Variants in AK8 observed in about 807,000 individuals in gnomAD.
AK8 encodes ATP-AMP transphosphorylase 8.
In AK8, 44 loss-of-function variants were observed where a neutral mutation model predicts 54.6. The ratio of observed to expected loss-of-function variants is 0.81; its 90% CI spans 0.63 to 1.04. AK8 has a LOEUF of 1.04. Ranked by LOEUF, AK8 falls within the 50% of genes least tolerant of loss-of-function variation. AK8 has a pLI of 0.00. For synonymous variants in AK8, 239 were observed against 245.6 expected (o/e 0.97, Z 0.25); for missense variants, 555 against 613.6 (o/e 0.90, Z 1.01).
intron 11 of AK8, among the ~76,000 whole-genome samples, chr9:132,741,848 T>C (rs956303003): frequency 1.3e-5 from 2 of 152,178 alleles, no homozygotes; most frequent in African/African-American, 4.8e-5. Flanking sequence ...TGATGGACTT[T>C]CTGTCTCTAC....
intron 5 of AK8, among the ~76,000 whole-genome samples, chr9:132,830,154 A>T (rs972844651): frequency 6.6e-6 from 1 of 152,204 alleles, no homozygotes; most frequent in Non-Finnish European, 1.5e-5. Flanking sequence ...CTTGCATAGA[A>T]GTTTTCACAG....
rs2131162821 is a variant in AK8 at position 132,791,027 on chromosome 9, A to G, written c.1121+1607T>C. Among the ~76,000 whole-genome samples the G allele has an allele frequency of 6.6e-6, 1 of 152,330 alleles. No individual in the cohort carries two copies. Among genetic ancestry groups the G allele is most frequent in the East Asian group, 1.9e-4 (1 of 5,190 alleles). On this transcript the variant is annotated intron_variant, in intron 11 of 12. Transcript: ENST00000298545. The surrounding 1 kb of genome is among the most constrained non-coding windows in gnomAD (Gnocchi z 4.0). ...TATTTTCACTAGAAGCAAAGACAGA[A>G]TATATCCATGTCAAACTGTAACGGA...
rs12377380 is a variant in AK8, at chr9:132,823,195, G to A, written c.889+10C>T. Reference sequence around the variant, plus strand: ...TCGAAGCTGGGCAGCCCAGCACCTGGGGCACTCACCATTGACAAGCCTGTA... The same window carrying A: ...TCGAAGCTGGGCAGCCCAGCACCTGAGGCACTCACCATTGACAAGCCTGTA... On this transcript the variant is annotated intron_variant, in intron 9 of 12. Coordinates refer to ENST00000298545, the MANE Select transcript of AK8 (RefSeq NM_152572.3). 1 of 1,557,138 alleles carries A rather than the reference G, an allele frequency of 6.4e-7. No homozygotes were observed. Among genetic ancestry groups the A allele is most frequent in the African/African-American group, 1.4e-5 (1 of 72,616 alleles).
chr9:132,838,942 TA>T (rs978806310), intron 5 of AK8, among the ~76,000 whole-genome samples: 2 of 152,034 alleles, frequency 1.3e-5, no homozygotes, highest in Non-Finnish European at 2.9e-5. Context: ...TGTACCTTAT[TA>T]TTTTTTTATT....
chr9:132,739,048 C>T (rs1837246314), intron 11 of AK8, among the ~76,000 whole-genome samples: 1 of 151,694 alleles, frequency 6.6e-6, no homozygotes, highest in Non-Finnish European at 1.5e-5. Context: ...AGCCACCATG[C>T]CTGGCCTGAC....
At chr9:132,827,133 G>A (rs1229218378) in intron 7 of AK8, 79 bp from the exon 8 acceptor site, 1 of 1,482,646 alleles carries the variant, frequency 6.7e-7, no homozygotes, top group Admixed American at 1.7e-5. Flanking sequence ...TGGGGTGCTT[G>A]CTGTCCTGGA....
intron 11 of AK8, among the ~76,000 whole-genome samples, chr9:132,729,369 G>A (rs1371507724): frequency 2.0e-5 from 3 of 152,168 alleles, no homozygotes; most frequent in Non-Finnish European, 4.4e-5. Flanking sequence ...CAAGTGCATG[G>A]CTGAGGAGCC....
chr9:132,871,768 G>A (rs149080038), intron 2 of AK8, among the ~76,000 whole-genome samples: 3,433 of 152,332 alleles, frequency 0.023, 65 homozygotes, highest in Admixed American at 0.058. Context: ...GGAAAGGGGC[G>A]CTAAGGAGGG....
At chr9:132,792,263 C>T (rs1051709869) in intron 11 of AK8, among the ~76,000 whole-genome samples, 14 of 152,176 alleles carry the variant, frequency 9.2e-5, no homozygotes, top group African/African-American at 2.9e-4. Flanking sequence ...AAAAGGGGGA[C>T]TCATACTGCC....
chr9:132,875,565 CT>C (rs1331417583), intron 1 of AK8, among the ~76,000 whole-genome samples: 1 of 152,252 alleles, frequency 6.6e-6, no homozygotes, highest in Non-Finnish European at 1.5e-5. Flanking sequence ...GTTCCCTCAG[CT>C]TGGAAGCTTC....
At chr9:132,756,463 T>C (rs1467871062) in intron 11 of AK8, among the ~76,000 whole-genome samples, 1 of 152,234 alleles carries the variant, frequency 6.6e-6, no homozygotes, top group East Asian at 1.9e-4. Context: ...TAAGTGATCA[T>C]TTGCATACCT....
At chr9:132,822,475 G>A (rs972376018) in intron 9 of AK8, among the ~76,000 whole-genome samples, 3 of 150,384 alleles carry the variant, frequency 2.0e-5, no homozygotes, top group Non-Finnish European at 4.4e-5. Context: ...ATATTTGGGG[G>A]TGCAGGTCTC....
chr9:132,734,651 G>A (rs539272174), intron 11 of AK8, among the ~76,000 whole-genome samples: 53 of 152,172 alleles, frequency 3.5e-4, no homozygotes, highest in African/African-American at 9.4e-4. Flanking sequence ...TGGGAGTGTC[G>A]CTTGAGCCCA....
intron 3 of AK8, among the ~76,000 whole-genome samples, chr9:132,865,838 A>G (rs1843571222): frequency 6.6e-6 from 1 of 151,276 alleles, no homozygotes; most frequent in Non-Finnish European, 1.5e-5. Context: ...AATAAAAAAT[A>G]AAAAATAAAG....
intron 11 of AK8, among the ~76,000 whole-genome samples, chr9:132,738,402 G>A (rs953000161): frequency 1.3e-5 from 2 of 152,094 alleles, no homozygotes; most frequent in Admixed American, 1.3e-4. Flanking sequence ...TATTCCCAAT[G>A]ACTGTTCAAC....
chr9:132,845,720 G>T (rs1842723592), intron 5 of AK8, among the ~76,000 whole-genome samples: 1 of 150,246 alleles, frequency 6.7e-6, no homozygotes, highest in African/African-American at 2.4e-5. Flanking sequence ...GGCGGAGGTT[G>T]CAGTGAGCAG....
Position 132,746,245 on chromosome 9 carries a change from C to T in AK8, c.1122-18711G>A, listed in dbSNP as rs373632940. On this transcript the variant is annotated intron_variant, in intron 11 of 12. Coordinates refer to ENST00000298545, the MANE Select transcript of AK8 (RefSeq NM_152572.3). ...GCACACACACACATAGACACACACA[C>T]GAAACAAATTAGAAGCCCTGTGGTT... 9.2e-5 allele frequency among the ~76,000 whole-genome samples: 14 copies of T among 152,288 alleles called. 1 individual carries two copies. The East Asian group carries it at 1.5e-3, about 17-fold the overall frequency.
chr9:132,753,248 T>A (rs1237264888), intron 11 of AK8, among the ~76,000 whole-genome samples: 1 of 152,194 alleles, frequency 6.6e-6, no homozygotes. Context: ...AGCCAGCTGG[T>A]TCTGGGCTCT....
chr9:132,815,166 C>T (rs370678619), intron 9 of AK8, among the ~76,000 whole-genome samples: 1 of 152,212 alleles, frequency 6.6e-6, no homozygotes, highest in South Asian at 2.1e-4. Context: ...TGTTACACAG[C>T]AGAGGGGGTG....
Sources: gnomAD v4.1 joint callset for allele counts (sites outside exome capture counted in the v4.1 genomes callset) on GRCh38, gnomAD v4.1.1 for gene constraint, Gnocchi (gnomAD v3.1) non-coding constraint, MANE v1.5 for transcripts, NCBI Gene and HGNC (gene_info 2026-07-23, HGNC 2026-07-21) for gene names.